The following TESK2 variants were observed in gnomAD, a reference collection of about 807,000 sequenced individuals.
The protein encoded by TESK2 is testis associated actin remodelling kinase 2, also known as dual specificity testis-specific protein kinase 2.
TESK2 carries 39 observed loss-of-function variants against 57.1 expected under a neutral mutation model. The observed-to-expected ratio is 0.68, with a 90% CI of 0.53 to 0.89. The LOEUF is 0.89. Among genes scored for constraint, TESK2 ranks in the 40% least tolerant of loss-of-function variants. The pLI is 0.00. For missense variants in TESK2, 646 were observed against 732.1 expected, an observed-to-expected ratio of 0.88 and a Z score of 1.36; for synonymous variants, 249 against 267.9, an observed-to-expected ratio of 0.93 and a Z score of 0.69.
chr1:45,390,971 G>A (rs1317237704), intron 3 of TESK2, among the ~76,000 whole-genome samples: 1 of 149,026 alleles, frequency 6.7e-6, no homozygotes, highest in Non-Finnish European at 1.5e-5. Context: ...AGGCTGGAGT[G>A]CAGTGGCGCG....
chr1:45,430,137 T>C (rs1051648646), intron 2 of TESK2, among the ~76,000 whole-genome samples: 1 of 152,142 alleles, frequency 6.6e-6, no homozygotes, highest in African/African-American at 2.4e-5. Flanking sequence ...CTGAAGACCC[T>C]GAGACCCTAA....
chr1:45,431,980 T>G (rs1405532047), intron 2 of TESK2, among the ~76,000 whole-genome samples: 3 of 151,978 alleles, frequency 2.0e-5, no homozygotes, highest in Admixed American at 2.0e-4. Context: ...GCACAGTAGC[T>G]CATGCCTGTA....
intron 3 of TESK2, among the ~76,000 whole-genome samples, chr1:45,418,343 G>C (rs1650332641): frequency 6.6e-6 from 1 of 152,094 alleles, no homozygotes; most frequent in Admixed American, 6.5e-5. Context: ...TGATCTCTTT[G>C]CTACCAGTCT....
Position 45,345,127 on chromosome 1 carries a change from A to C in TESK2, c.1429T>G (p.Ser477Ala). The C allele has an allele frequency of 6.2e-7, 1 of 1,614,110 alleles. No homozygotes were observed. Among genetic ancestry groups the C allele is most frequent in the East Asian group, 2.2e-5 (1 of 44,876 alleles). Residue 477 changes from serine to alanine, a missense_variant, in exon 11 of 11, where the codon TCG (serine) becomes GCG (alanine). Ser to Ala is a moderately conservative substitution (Grantham distance 99, BLOSUM62 1). Transcript: ENST00000372086. ...EACPFVGREE[S>A]LSDGPPPRLS... is the part of the protein sequence containing the mutation. Reference sequence around the variant, plus strand: ...CGTGGTGGGGGCCCATCAGATAGCGATTCTTCCCGGCCCACAAATGGACAA... The same window carrying C: ...CGTGGTGGGGGCCCATCAGATAGCGCTTCTTCCCGGCCCACAAATGGACAA...
chr1:45,377,329 T>C (rs983514771), intron 4 of TESK2, among the ~76,000 whole-genome samples: 5 of 146,992 alleles, frequency 3.4e-5, no homozygotes, highest in African/African-American at 1.0e-4. Flanking sequence ...AAGAAGAAAA[T>C]AGGAAAAGAC....
intron 7 of TESK2, among the ~76,000 whole-genome samples, chr1:45,347,295 A>G (rs1260986004): frequency 6.6e-6 from 1 of 152,118 alleles, no homozygotes; most frequent in Non-Finnish European, 1.5e-5. Flanking sequence ...GCCGAGCGCG[A>G]TGGCTCATGC....
intron 1 of TESK2, among the ~76,000 whole-genome samples, chr1:45,476,612 C>T (rs1244135273): frequency 6.6e-6 from 1 of 152,020 alleles, no homozygotes; most frequent in Non-Finnish European, 1.5e-5. Flanking sequence ...CTTTGGGAGG[C>T]TAAGGTGGGA....
intron 2 of TESK2, among the ~76,000 whole-genome samples, chr1:45,440,715 C>CA (rs557852510): frequency 0.046 from 5,855 of 128,408 alleles, 142 homozygotes; most frequent in African/African-American, 0.083. Context: ...GACTCGGTCT[C>CA]AAAAAAAAAA....
At chr1:45,432,109 C>T (rs183178841) in intron 2 of TESK2, among the ~76,000 whole-genome samples, 2 of 151,846 alleles carry the variant, frequency 1.3e-5, no homozygotes. Context: ...GTTACCCAGG[C>T]ATGGTGGTGC....
intron 3 of TESK2, among the ~76,000 whole-genome samples, chr1:45,406,095 G>A (rs1166274299): frequency 6.6e-6 from 1 of 152,026 alleles, no homozygotes; most frequent in East Asian, 1.9e-4. Flanking sequence ...ATCCCAGTGT[G>A]GTGGTGCTCA....
intron 3 of TESK2, among the ~76,000 whole-genome samples, chr1:45,410,497 C>T (rs547037542): frequency 9.9e-5 from 15 of 151,912 alleles, no homozygotes; most frequent in East Asian, 9.7e-4. Context: ...CCCAGCTACT[C>T]GGGAGGCTGA....
intron 4 of TESK2, among the ~76,000 whole-genome samples, chr1:45,384,323 C>CTATGTATGTATG (rs145216387): frequency 1.3e-4 from 19 of 150,472 alleles, no homozygotes; most frequent in African/African-American, 4.4e-4. Context: ...GGGTCTCACT[C>CTATGTATGTATG]TATGTATGTA....
intron 3 of TESK2, among the ~76,000 whole-genome samples, chr1:45,413,001 G>T (rs576408930): frequency 6.6e-6 from 1 of 152,102 alleles, no homozygotes; most frequent in African/African-American, 2.4e-5. Flanking sequence ...TCTTGGGGTC[G>T]TGGGGAGGTA....
At chr1:45,447,736 T>C (rs1020199027) in intron 2 of TESK2, among the ~76,000 whole-genome samples, 2 of 152,176 alleles carry the variant, frequency 1.3e-5, no homozygotes, top group Non-Finnish European at 2.9e-5. Flanking sequence ...GGCACTGTGG[T>C]AGGATTATTA....
intron 4 of TESK2, among the ~76,000 whole-genome samples, chr1:45,379,189 G>A (rs1183013719): frequency 2.0e-5 from 3 of 152,188 alleles, no homozygotes; most frequent in Non-Finnish European, 2.9e-5. Context: ...TCTTTGAGAT[G>A]GGGTCTCACT....
At chr1:45,382,440 T>C (rs984711347) in intron 4 of TESK2, among the ~76,000 whole-genome samples, 1 of 152,204 alleles carries the variant, frequency 6.6e-6, no homozygotes, top group Non-Finnish European at 1.5e-5. Context: ...GCTTTTGCCA[T>C]GTTGCCCAGG....
intron 3 of TESK2, among the ~76,000 whole-genome samples, chr1:45,409,944 C>G (rs1649976643): frequency 6.6e-6 from 1 of 152,160 alleles, no homozygotes. Flanking sequence ...GGGGGCAGAT[C>G]ACTTGAGGCC....
chr1:45,418,875 T>C (rs1650349787), intron 3 of TESK2, among the ~76,000 whole-genome samples: 1 of 152,104 alleles, frequency 6.6e-6, no homozygotes, highest in South Asian at 2.1e-4. Context: ...ATATTTTATG[T>C]AACCCATAAG....
At chr1:45,463,676 T>A (rs1652424662) in intron 1 of TESK2, among the ~76,000 whole-genome samples, 1 of 152,100 alleles carries the variant, frequency 6.6e-6, no homozygotes, top group Non-Finnish European at 1.5e-5. Flanking sequence ...CTCGATCTCC[T>A]AGGGCTCAGG....
Sources: gnomAD v4.1 joint callset for allele counts (sites outside exome capture counted in the v4.1 genomes callset) on GRCh38, gnomAD v4.1.1 for gene constraint, MANE v1.5 for transcripts, NCBI Gene and HGNC (gene_info 2026-07-23, HGNC 2026-07-21) for gene names.